Variants in KCNH5 observed in about 807,000 individuals in gnomAD.
KCNH5 encodes potassium voltage-gated channel subfamily H member 5.
A neutral mutation model predicts 96.1 loss-of-function variants in KCNH5; 46 were observed. The observed-to-expected ratio is 0.48, with a 90% CI of 0.38 to 0.61. The LOEUF (loss-of-function observed/expected upper bound fraction) is 0.61, where lower values mean the gene tolerates loss of function less well. Among genes scored for constraint, KCNH5 ranks in the 20% least tolerant of loss-of-function variants. The probability of loss-of-function intolerance (pLI) is 0.00; values close to 1 mark genes in which losing one functional copy is unlikely to be tolerated. For missense variants in KCNH5, 907 were observed against 1,225.8 expected, an observed-to-expected ratio of 0.74 and a Z score of 3.88; for synonymous variants, 439 against 449.8, an observed-to-expected ratio of 0.98 and a Z score of 0.30.
intron 2 of KCNH5, among the ~76,000 whole-genome samples, chr14:63,007,874 A>G (rs1296515484): frequency 1.3e-5 from 2 of 152,136 alleles, no homozygotes; most frequent in Non-Finnish European, 2.9e-5. Context: ...TTCCACAAAA[A>G]CTTTCTAATG....
At chr14:62,754,579 T>TA (rs982529226) in intron 10 of KCNH5, among the ~76,000 whole-genome samples, 2 of 149,230 alleles carry the variant, frequency 1.3e-5, no homozygotes, top group African/African-American at 2.5e-5. Context: ...AAATGGAAAA[T>TA]AAAAAAAATA....
intron 6 of KCNH5, among the ~76,000 whole-genome samples, chr14:62,957,636 G>C (rs1490638347): frequency 6.6e-6 from 1 of 152,144 alleles, no homozygotes; most frequent in Non-Finnish European, 1.5e-5. Flanking sequence ...TGATATAAAT[G>C]ACTGCAGCAG....
chr14:62,853,481 C>CATATATATATATATATATATATCT (rs1306077655), intron 7 of KCNH5, among the ~76,000 whole-genome samples: 1 of 41,316 alleles, frequency 2.4e-5, no homozygotes. Flanking sequence ...ATATATATAT[C>CATATATATATATATATATATATCT]ATATATATAT....
At chr14:62,713,752 A>G (rs894925268) in intron 10 of KCNH5, among the ~76,000 whole-genome samples, 2 of 152,230 alleles carry the variant, frequency 1.3e-5, no homozygotes. Context: ...ATAACAAATA[A>G]AAAGATAAAA....
At chr14:62,972,896 CA>C (rs1890435657) in intron 6 of KCNH5, among the ~76,000 whole-genome samples, 1 of 152,176 alleles carries the variant, frequency 6.6e-6, no homozygotes, top group South Asian at 2.1e-4. Context: ...AATTTTAAGA[CA>C]GTAAAACTAA....
In KCNH5 at chr14:62,949,956, G is replaced by A. The variant is rs1227897154; in HGVS notation, c.1369+177C>T. ...TTCACACATTATTATGTCCTGAAGA[G>A]TAAAATATATTATTTTGCATTTCTA... On this transcript the variant is annotated intron_variant, in intron 7 of 10. Coordinates refer to ENST00000322893, the MANE Select transcript of KCNH5 (RefSeq NM_139318.5). 6.7e-6 allele frequency: 4 copies of A among 597,360 alleles called. No individual in the cohort carries two copies. In the East Asian group the frequency reaches 1.2e-4, roughly 18 times the overall value. 37.0% of individuals were successfully genotyped at this position (597,360 alleles called of 1,614,324 possible). A position where few individuals can be genotyped will look rare whatever the true frequency, so the allele number is the denominator to read the frequency against.
chr14:62,954,483 GA>G (rs1388614797), intron 6 of KCNH5, among the ~76,000 whole-genome samples: 2 of 152,170 alleles, frequency 1.3e-5, no homozygotes, highest in East Asian at 3.8e-4. Context: ...TTCAATAAAT[GA>G]AAGAATAAAC....
intron 6 of KCNH5, among the ~76,000 whole-genome samples, chr14:62,978,778 G>T (rs945983557): frequency 1.3e-5 from 2 of 152,020 alleles, no homozygotes; most frequent in Non-Finnish European, 1.5e-5. Flanking sequence ...CCAATCTTTT[G>T]ATTATTTTTA....
intron 10 of KCNH5, among the ~76,000 whole-genome samples, chr14:62,713,689 C>A (rs546135640): frequency 1.5e-4 from 23 of 152,212 alleles, no homozygotes; most frequent in African/African-American, 5.5e-4. Context: ...ATATCTTGTA[C>A]GCAAAGTATG....
chr14:63,010,948 T>C (rs1384521651), intron 2 of KCNH5, among the ~76,000 whole-genome samples: 1 of 152,154 alleles, frequency 6.6e-6, no homozygotes, highest in East Asian at 1.9e-4. Context: ...AAACATTCAG[T>C]CACCATAATA....
chr14:62,760,591 C>A (rs1457768652), intron 10 of KCNH5, among the ~76,000 whole-genome samples: 1 of 152,190 alleles, frequency 6.6e-6, no homozygotes, highest in East Asian at 1.9e-4. Context: ...AGAACATACC[C>A]GAGTGAAATC....
intron 9 of KCNH5, among the ~76,000 whole-genome samples, chr14:62,780,778 C>G (rs906672010): frequency 2.0e-5 from 3 of 152,034 alleles, no homozygotes; most frequent in Non-Finnish European, 4.4e-5. Context: ...GCCATTCTGC[C>G]GAGGCAGTTC....
At chr14:62,975,862 T>C (rs967145480) in intron 6 of KCNH5, among the ~76,000 whole-genome samples, 1 of 152,138 alleles carries the variant, frequency 6.6e-6, no homozygotes, top group African/African-American at 2.4e-5. Flanking sequence ...CAGATTAAAC[T>C]TGCCTGTTAA....
intron 7 of KCNH5, among the ~76,000 whole-genome samples, chr14:62,913,815 G>C (rs11623063): frequency 0.5 from 75,614 of 151,972 alleles, 19,202 homozygotes; most frequent in South Asian, 0.67. Flanking sequence ...CTGTAGGGCA[G>C]TAATACACCC....
chr14:62,888,132 C>T (rs911537758), intron 7 of KCNH5, among the ~76,000 whole-genome samples: 10 of 152,106 alleles, frequency 6.6e-5, no homozygotes, highest in Non-Finnish European at 1.2e-4. Context: ...CTAATAAAAC[C>T]TATTTTATTA....
At position 63,045,322 on chromosome 14, in the gene KCNH5, G is replaced by T; in HGVS notation, c.-136C>A. On this transcript the variant is annotated 5_prime_UTR_variant, in exon 1 of 11. Coordinates refer to ENST00000322893, the MANE Select transcript of KCNH5 (RefSeq NM_139318.5). ...AGAGGGGGCGCGGCGGCGGCGACGG[G>T]GTCCCCTGACTGTGTCTCCAGCCCG... 1.4e-6 allele frequency: 1 copy of T among 706,940 alleles called. No homozygotes were observed. The highest frequency in any genetic ancestry group is 1.7e-5 in the South Asian group (1 of 60,238). 43.8% of individuals were successfully genotyped at this position (706,940 alleles called of 1,614,324 possible).
chr14:62,774,286 G>A (rs746735714), intron 10 of KCNH5, among the ~76,000 whole-genome samples: 7 of 152,036 alleles, frequency 4.6e-5, no homozygotes, highest in Admixed American at 1.3e-4. Flanking sequence ...TCCACACTTC[G>A]GGAAGGAAAG....
chr14:62,771,586 C>T (rs1885989173), intron 10 of KCNH5, among the ~76,000 whole-genome samples: 1 of 152,160 alleles, frequency 6.6e-6, no homozygotes, highest in South Asian at 2.1e-4. Flanking sequence ...GATCGTGCCA[C>T]TGCACTCCAG....
At chr14:62,972,527 C>T (rs1031272293) in intron 6 of KCNH5, among the ~76,000 whole-genome samples, 2 of 152,178 alleles carry the variant, frequency 1.3e-5, no homozygotes, top group African/African-American at 4.8e-5. Flanking sequence ...ATGTTTAAAA[C>T]TTATGTCCAC....
Sources: allele counts gnomAD v4.1 joint callset (sites outside exome capture counted in the v4.1 genomes callset), GRCh38; gene constraint gnomAD v4.1.1; transcripts MANE v1.5; gene names NCBI Gene and HGNC (gene_info 2026-07-23, HGNC 2026-07-21).